NXF3: variants seen among roughly 807,000 people sequenced by gnomAD.
NXF3 encodes the protein TAP-like protein 3.
Under a neutral mutation model 48.4 loss-of-function variants are expected in NXF3, and 34 were observed. That is an observed-to-expected ratio of 0.70 (90% confidence interval 0.53 to 0.93). NXF3 has a LOEUF of 0.93. Ranked by LOEUF, NXF3 falls within the 40% of genes least tolerant of loss-of-function variation. The probability of loss-of-function intolerance (pLI) is 0.00; values close to 1 mark genes in which losing one functional copy is unlikely to be tolerated. For synonymous variants in NXF3, 132 were observed against 145.7 expected, an observed-to-expected ratio of 0.91 and a Z score of 0.68; for missense variants, 359 against 406.1, an observed-to-expected ratio of 0.88 and a Z score of 1.00.
At chrX:103,088,255 T>A (rs1399449910) in intron 1 of NXF3, 2 of 641,101 alleles carry the variant, frequency 3.1e-6, no homozygotes, top group Non-Finnish European at 4.8e-6. Flanking sequence ...TAACTTTTGA[T>A]CCTAGAAAAA....
At chrX:103,082,632 G>T in intron 8 of NXF3, 128 bp downstream of exon 8, 1 of 586,912 alleles carries the variant, frequency 1.7e-6, no homozygotes, top group Non-Finnish European at 2.8e-6. Context: ...AAGGGCAAAA[G>T]CTATGGGGAG....
intron 17 of NXF3, among the ~76,000 whole-genome samples, 188 bp from the exon 18 acceptor site, chrX:103,077,934 T>G (rs1019288856): frequency 2.7e-5 from 3 of 111,626 alleles, no homozygotes; most frequent in African/African-American, 9.8e-5. Context: ...ACCTACATGC[T>G]TCACCAGTTT....
intron 9 of NXF3, chrX:103,081,363 G>A (rs1922003776): frequency 8.9e-6 from 1 of 112,385 alleles, no homozygotes; most frequent in Admixed American, 9.3e-5. Flanking sequence ...GAGAAGTGAA[G>A]GGTCAAGCCC....
Position 103,079,502 on chromosome X carries a change from T to TG in NXF3, c.1220-29dup, listed in dbSNP as rs755727095. ...GTAGAGGAGAAGAGAAGCAAGGATTTGGGGGGCTGCCACACCCCAGTTGTG... is the reference window on the plus strand; with the variant it reads ...GTAGAGGAGAAGAGAAGCAAGGATTTGGGGGGGCTGCCACACCCCAGTTGTG... On this transcript the variant is annotated intron_variant, in intron 14 of 19. Coordinates refer to ENST00000395065, the MANE Select transcript of NXF3 (RefSeq NM_022052.2). The TG allele has an allele frequency of 8.4e-6, 10 of 1,192,243 alleles. No homozygotes were observed. The African/African-American group carries it at 1.8e-4, about 21-fold the overall frequency.
chrX:103,078,761 G>C, intron 16 of NXF3, 129 bp from the exon 17 acceptor site: 7 of 1,012,992 alleles, frequency 6.9e-6, no homozygotes, highest in Non-Finnish European at 9.7e-6. Context: ...TGTTCACTTG[G>C]AGTGAGGCGG....
intron 1 of NXF3, among the ~76,000 whole-genome samples, 198 bp from the exon 2 acceptor site, chrX:103,085,081 C>T (rs1271843630): frequency 8.9e-6 from 1 of 111,780 alleles, no homozygotes; most frequent in African/African-American, 3.3e-5. Context: ...CCTCCCACCT[C>T]AGCCTCCCAA....
At chrX:103,084,594 C>T (rs1922100632) in intron 2 of NXF3, 99 bp from the exon 3 acceptor site, 5 of 1,127,054 alleles carry the variant, frequency 4.4e-6, no homozygotes, top group Non-Finnish European at 2.4e-6. Context: ...GTTAAATCAA[C>T]CATTAATCGA....
In NXF3 at chrX:103,083,694, TATGAGTGAAAGAAAGA is replaced by T. The variant is rs752909612; in HGVS notation, c.352-18_352-3del. The T allele has an allele frequency of 5.9e-6, 7 of 1,188,187 alleles. No homozygotes were observed. In the Admixed American group the frequency reaches 1.3e-4, roughly 22 times the overall value. On this transcript the variant is annotated splice_region_variant and splice_polypyrimidine_tract_variant and intron_variant, in intron 3 of 19. Coordinates refer to ENST00000395065, the MANE Select transcript of NXF3 (RefSeq NM_022052.2). ...ATTGTATTTTATGCCAAAGGGAACC[TATGAGTGAAAGAAAGA>T]ATGAGTGAGGAAAGGAGACTGACAT...
chrX:103,076,242 T>C lies in NXF3; in HGVS notation c.*48A>G, dbSNP rs181005871. 4.5e-4 allele frequency: 536 copies of C among 1,200,015 alleles called. 3 individuals carry two copies. In the African/African-American group the frequency reaches 8.0e-3, roughly 18 times the overall value. On this transcript the variant is annotated splice_region_variant and 3_prime_UTR_variant, in exon 19 of 20. Transcript: ENST00000395065. ...TTGGCCTGAATTCCTAGACCTCACC[T>C]TGGGCCATGCAAGAACATGAGGAGC...
intron 18 of NXF3, 51 bp downstream of exon 18, chrX:103,077,563 T>A (rs1437589936): frequency 8.3e-7 from 1 of 1,198,759 alleles, no homozygotes; most frequent in African/African-American, 1.8e-5. Context: ...AGCACTCACT[T>A]CTGAGGCAAC....
rs748169109 is a variant in NXF3 at position 103,082,840 on chromosome X, T to C, written c.700A>G (p.Asn234Asp). The C allele has an allele frequency of 2.0e-5, 24 of 1,207,722 alleles. No homozygotes were observed. The South Asian group carries it at 4.2e-4, about 21-fold the overall frequency. Residue 234 changes from asparagine to aspartate, a missense_variant, in exon 8 of 20, where the codon AAC becomes GAC. By Grantham distance (23) the Asn-to-Asp change is conservative. Coordinates refer to ENST00000395065, the MANE Select transcript of NXF3 (RefSeq NM_022052.2). ...QRLPFYPDMV[N>D]RDTKMASNPR... ...TTCGATGCCATCTTAGTATCACGGT[T>C]CACCATGTCTCCAGAAAGCAGAGAG...
intron 1 of NXF3, 117 bp downstream of exon 1, chrX:103,092,879 C>A (rs1049795078): frequency 2.7e-6 from 2 of 753,605 alleles, no homozygotes; most frequent in South Asian, 5.0e-5. Flanking sequence ...CACTGCCCAC[C>A]CCCATCTAAA....
intron 3 of NXF3, among the ~76,000 whole-genome samples, chrX:103,083,894 T>C (rs1321397814): frequency 8.9e-6 from 1 of 112,120 alleles, no homozygotes; most frequent in African/African-American, 3.2e-5. Flanking sequence ...ATGGATTTCC[T>C]AAATACCCTT....
Position 103,093,007 on chromosome X carries a change from C to T in NXF3, c.17G>A (p.Gly6Glu). 8.3e-7 allele frequency: 1 copy of T among 1,209,966 alleles called. No homozygotes were observed. Among genetic ancestry groups the T allele is most frequent in the Non-Finnish European group, 1.1e-6 (1 of 894,169 alleles). The part of the protein sequence containing the change: MSLPS[G>E]HTTGHTDQVV... ...GCTGGCCAACTCACCCGTAGTGTGTCCTGAAGGCAGTGACATTTTACCAAT... is the reference window on the plus strand; with the variant it reads ...GCTGGCCAACTCACCCGTAGTGTGTTCTGAAGGCAGTGACATTTTACCAAT... The change falls in exon 1 of 20, where the codon GGA becomes GAA. Residue 6 changes from glycine (G) to glutamate (E), a missense_variant. Transcript: ENST00000395065.
In NXF3 at chrX:103,076,248, C is replaced by T. The variant is rs111412112; in HGVS notation, c.*42G>A. On this transcript the variant is annotated 3_prime_UTR_variant, in exon 19 of 20. Coordinates refer to ENST00000395065, the MANE Select transcript of NXF3 (RefSeq NM_022052.2). Reference sequence around the variant, plus strand: ...TGAATTCCTAGACCTCACCTTGGGCCATGCAAGAACATGAGGAGCTCTGAC... The same window carrying T: ...TGAATTCCTAGACCTCACCTTGGGCTATGCAAGAACATGAGGAGCTCTGAC... The T allele has an allele frequency of 1.7e-6, 2 of 1,202,745 alleles. No individual in the cohort carries two copies. The highest frequency in any genetic ancestry group is 1.1e-6 in the Non-Finnish European group (1 of 887,655).
intron 1 of NXF3, chrX:103,088,785 A>G: frequency 9.0e-7 from 1 of 1,112,243 alleles, no homozygotes; most frequent in Admixed American, 2.4e-5. Context: ...TCATAATGAA[A>G]AGAGTCCTTA....
At chrX:103,088,476 C>T in intron 1 of NXF3, 2 of 983,190 alleles carry the variant, frequency 2.0e-6, no homozygotes, top group East Asian at 3.1e-5. Context: ...ATCCTTACTA[C>T]AGCAAACTTA....
At chrX:103,091,497 C>T (rs925627965) in intron 1 of NXF3, among the ~76,000 whole-genome samples, 3 of 108,389 alleles carry the variant, frequency 2.8e-5, no homozygotes, top group Non-Finnish European at 5.7e-5. Context: ...GGAGGATGTG[C>T]GCTGGTTATA....
At position 103,083,228 on chromosome X, in the gene NXF3, T is replaced by A. The variant is rs1569280503; in HGVS notation, c.586A>T (p.Arg196Trp). ...TCCACCTTTTCTGACTTCAGCTCCC[T>A]GTGCACAAAGTGGGGTATGCCAGCA... Reference protein sequence around the residue: ...NPAGIPHFVHRELKSEKVEQI... With the variant: ...NPAGIPHFVHWELKSEKVEQI... The change falls in exon 6 of 20, where the codon AGG (arginine) becomes TGG (tryptophan). Residue 196 changes from arginine to tryptophan, a missense_variant. Coordinates refer to ENST00000395065, the MANE Select transcript of NXF3 (RefSeq NM_022052.2). 2 of 1,211,545 alleles carry A rather than the reference T, an allele frequency of 1.7e-6. No homozygotes were observed. The highest frequency in any genetic ancestry group is 5.9e-5 in the East Asian group (2 of 33,834).
Sources: allele counts gnomAD v4.1 joint callset (sites outside exome capture counted in the v4.1 genomes callset), GRCh38; gene constraint gnomAD v4.1.1; transcripts MANE v1.5; gene names NCBI Gene and HGNC (gene_info 2026-07-23, HGNC 2026-07-21).